The following SORCS3 variants were observed in gnomAD, a reference collection of about 807,000 sequenced individuals.
SORCS3 encodes the protein sortilin related VPS10 domain containing receptor 3.
SORCS3 carries 57 observed loss-of-function variants against 146.3 expected under a neutral mutation model. The ratio of observed to expected loss-of-function variants is 0.39; its 90% CI spans 0.31 to 0.49. The LOEUF (loss-of-function observed/expected upper bound fraction) is 0.49. Among genes scored for constraint, SORCS3 ranks in the 20% least tolerant of loss-of-function variants. SORCS3 has a pLI of 0.92. For missense variants in SORCS3, 1,341 were observed against 1,575.5 expected, an observed-to-expected ratio of 0.85 and a Z score of 2.52; for synonymous variants, 653 against 618.5, an observed-to-expected ratio of 1.06 and a Z score of -0.83.
intron 20 of SORCS3, among the ~76,000 whole-genome samples, chr10:105,242,442 ATATATATTTATATATATT>A (rs1267334470): frequency 3.3e-5 from 2 of 60,064 alleles, no homozygotes; most frequent in African/African-American, 6.4e-5. Context: ...ACATATATTT[ATATATATTTATATATATT>A]TATATATTTA....
At chr10:105,180,047 A>G (rs759460536) in intron 14 of SORCS3, among the ~76,000 whole-genome samples, 1 of 152,178 alleles carries the variant, frequency 6.6e-6, no homozygotes, top group Non-Finnish European at 1.5e-5. Flanking sequence ...GAGAATTTAT[A>G]TATTTAACAG....
intron 6 of SORCS3, among the ~76,000 whole-genome samples, chr10:105,104,597 T>A (rs1462183247): frequency 6.6e-6 from 1 of 152,230 alleles, no homozygotes; most frequent in Admixed American, 6.5e-5. Flanking sequence ...GAATGCATTC[T>A]TGTTGTAAAA....
intron 1 of SORCS3, among the ~76,000 whole-genome samples, chr10:104,827,081 T>C (rs2133533486): frequency 6.6e-6 from 1 of 152,334 alleles, no homozygotes; most frequent in South Asian, 2.1e-4. Context: ...AGTTACTTTG[T>C]CCACTGAAGT....
At chr10:105,206,298 A>G (rs1455809171) in intron 16 of SORCS3, among the ~76,000 whole-genome samples, 1 of 152,216 alleles carries the variant, frequency 6.6e-6, no homozygotes, top group Non-Finnish European at 1.5e-5. Context: ...TATCATAGTT[A>G]CATGTGGTTA....
chr10:104,966,688 C>T (rs2054828127), intron 3 of SORCS3, among the ~76,000 whole-genome samples: 1 of 152,100 alleles, frequency 6.6e-6, no homozygotes, highest in Non-Finnish European at 1.5e-5. Flanking sequence ...GTGACATATT[C>T]ATCAATGATA....
intron 15 of SORCS3, among the ~76,000 whole-genome samples, chr10:105,200,721 A>T (rs1486244793): frequency 6.6e-6 from 1 of 152,170 alleles, no homozygotes; most frequent in Non-Finnish European, 1.5e-5. Flanking sequence ...GTCAACTTCA[A>T]TTTCCCTCTG....
At chr10:104,837,375 C>G (rs2018082557) in intron 1 of SORCS3, among the ~76,000 whole-genome samples, 1 of 152,196 alleles carries the variant, frequency 6.6e-6, no homozygotes, top group Admixed American at 6.5e-5. Context: ...AATTTTCCAG[C>G]TATACACACA....
At chr10:104,683,705 G>A (rs1166993814) in intron 1 of SORCS3, among the ~76,000 whole-genome samples, 1 of 152,200 alleles carries the variant, frequency 6.6e-6, no homozygotes, top group East Asian at 1.9e-4. Flanking sequence ...GGACTTAGAA[G>A]TGACAGGCTC....
intron 6 of SORCS3, among the ~76,000 whole-genome samples, chr10:105,096,394 G>A (rs1364038172): frequency 6.6e-6 from 1 of 152,052 alleles, no homozygotes; most frequent in Non-Finnish European, 1.5e-5. Context: ...TCTGGCCTGG[G>A]GACTGCACTT....
intron 1 of SORCS3, among the ~76,000 whole-genome samples, chr10:104,655,330 C>G (rs2015614734): frequency 1.3e-5 from 2 of 151,188 alleles, no homozygotes; most frequent in South Asian, 4.2e-4. Flanking sequence ...TAGGTAAACT[C>G]ATTTCATGGG....
intron 2 of SORCS3, among the ~76,000 whole-genome samples, chr10:104,855,716 AGTGT>A (rs58569291): frequency 1.3e-5 from 2 of 150,752 alleles, no homozygotes; most frequent in Non-Finnish European, 3.0e-5. Context: ...TTTGCTTTTG[AGTGT>A]GTGTGTGTGT....
intron 1 of SORCS3, among the ~76,000 whole-genome samples, chr10:104,674,731 G>A (rs2015894596): frequency 1.3e-5 from 2 of 152,200 alleles, no homozygotes; most frequent in Non-Finnish European, 2.9e-5. Flanking sequence ...CACAGCAATA[G>A]ATAGCTAATA....
At chr10:104,835,993 G>T (rs74155051) in intron 1 of SORCS3, among the ~76,000 whole-genome samples, 2,167 of 152,302 alleles carry the variant, frequency 0.014, 52 homozygotes, top group African/African-American at 0.049. Flanking sequence ...TCGGGCACAT[G>T]CAGGAGTGTG....
intron 7 of SORCS3, among the ~76,000 whole-genome samples, chr10:105,128,859 T>C (rs1311848185): frequency 1.3e-5 from 2 of 152,214 alleles, no homozygotes; most frequent in Non-Finnish European, 2.9e-5. Context: ...TCTGGTTACA[T>C]GAAAGCATTT....
At chr10:104,752,671 C>T (rs2017002546) in intron 1 of SORCS3, among the ~76,000 whole-genome samples, 1 of 152,184 alleles carries the variant, frequency 6.6e-6, no homozygotes, top group African/African-American at 2.4e-5. Flanking sequence ...TAAAATATAA[C>T]TTCCTTTCAT....
intron 1 of SORCS3, chr10:104,665,363 A>G (rs2015760641): frequency 6.6e-6 from 1 of 152,258 alleles, no homozygotes; most frequent in African/African-American, 2.4e-5. Context: ...GAGGGACTAT[A>G]CATTCGCTAA....
At chr10:104,848,520 T>C (rs1395642034) in intron 2 of SORCS3, among the ~76,000 whole-genome samples, 1 of 152,232 alleles carries the variant, frequency 6.6e-6, no homozygotes, top group East Asian at 1.9e-4. Context: ...CTGCTGAATC[T>C]GAGTGAATTA....
intron 7 of SORCS3, among the ~76,000 whole-genome samples, chr10:105,124,757 C>G (rs757692809): frequency 1.3e-5 from 2 of 152,102 alleles, no homozygotes; most frequent in African/African-American, 4.8e-5. Flanking sequence ...CTCCCTCTAG[C>G]CTTGTAACCT....
intron 5 of SORCS3, among the ~76,000 whole-genome samples, chr10:105,043,378 C>A (rs2055350519): frequency 1.3e-5 from 2 of 152,106 alleles, no homozygotes; most frequent in South Asian, 4.1e-4. Flanking sequence ...GACTCATGTG[C>A]ACATGAAAGT....
Sources: allele counts gnomAD v4.1 joint callset (sites outside exome capture counted in the v4.1 genomes callset), GRCh38; gene constraint gnomAD v4.1.1; transcripts MANE v1.5; gene names NCBI Gene and HGNC (gene_info 2026-07-23, HGNC 2026-07-21).